Variants in CSMD1 observed in about 807,000 individuals in gnomAD.
The protein encoded by CSMD1 is CUB and Sushi multiple domains 1.
CSMD1 carries 213 observed loss-of-function variants against 417.5 expected under a neutral mutation model. The observed-to-expected ratio is 0.51, with a 90% confidence interval of 0.46 to 0.57. The LOEUF (loss-of-function observed/expected upper bound fraction) is 0.57. CSMD1 is among the 20% of genes least tolerant of loss of function. The pLI is 0.00. For synonymous variants in CSMD1, 2,862 were observed against 1,736.8 expected, an observed-to-expected ratio of 1.65 and a Z score of -16.11; for missense variants, 6,923 against 4,529.7, an observed-to-expected ratio of 1.53 and a Z score of -15.17.
intron 4 of CSMD1, among the ~76,000 whole-genome samples, chr8:4,016,672 C>G (rs189460952): frequency 1.3e-5 from 2 of 152,304 alleles, no homozygotes; most frequent in East Asian, 3.9e-4. Flanking sequence ...CTCTGTAAAG[C>G]AAGAGCTTCA....
At chr8:3,862,499 C>T (rs1325020994) in intron 5 of CSMD1, among the ~76,000 whole-genome samples, 1 of 152,162 alleles carries the variant, frequency 6.6e-6, no homozygotes, top group African/African-American at 2.4e-5. Flanking sequence ...GTTCGCCTTT[C>T]CCAGACCTTA....
chr8:3,095,678 A>G lies in CSMD1; in HGVS notation c.7138+1171T>C, dbSNP rs190470456. On this transcript the variant is annotated intron_variant, in intron 47 of 69. Coordinates refer to ENST00000635120, the MANE Select transcript of CSMD1 (RefSeq NM_033225.6). ...TATTTTTTTCACTGAATTGATTGTA[A>G]TTTATCTGAACTCAATGACAAATCT... 1.6e-4 allele frequency among the ~76,000 whole-genome samples: 25 copies of G among 152,316 alleles called. No individual in the cohort carries two copies. In the East Asian group the frequency reaches 3.9e-3, roughly 23 times the overall value.
intron 3 of CSMD1, among the ~76,000 whole-genome samples, chr8:4,180,279 G>C (rs910016735): frequency 1.8e-4 from 27 of 151,982 alleles, no homozygotes; most frequent in Non-Finnish European, 3.2e-4. Context: ...CCTTTGTAGG[G>C]ATATGGATGA....
intron 3 of CSMD1, among the ~76,000 whole-genome samples, chr8:4,058,758 T>A (rs565439178): frequency 7.0e-6 from 1 of 143,456 alleles, no homozygotes; most frequent in Non-Finnish European, 1.5e-5. Flanking sequence ...TAAATATATA[T>A]GCACCCAATA....
chr8:3,671,560 CATATATATATATATATATATATATAT>C (rs752837903), intron 7 of CSMD1, among the ~76,000 whole-genome samples: 4 of 6,512 alleles, frequency 6.1e-4, no homozygotes, highest in Non-Finnish European at 1.0e-3. Context: ...TATATATGAT[CATATATATATATATATATATATATAT>C]ATATATATGA....
intron 10 of CSMD1, among the ~76,000 whole-genome samples, chr8:3,571,745 G>A (rs994164562): frequency 3.5e-5 from 3 of 85,852 alleles, no homozygotes; most frequent in African/African-American, 1.4e-4. Flanking sequence ...CTCCAGTCTT[G>A]CTAAGTCTCC....
At chr8:3,094,616 T>G (rs1160943932) in intron 47 of CSMD1, among the ~76,000 whole-genome samples, 1 of 152,180 alleles carries the variant, frequency 6.6e-6, no homozygotes, top group Non-Finnish European at 1.5e-5. Context: ...CACTGTAATT[T>G]TAATTTTGAC....
chr8:4,342,972 G>C (rs973308483), intron 3 of CSMD1, among the ~76,000 whole-genome samples: 1 of 152,100 alleles, frequency 6.6e-6, no homozygotes, highest in Non-Finnish European at 1.5e-5. Flanking sequence ...TAGATGTCAG[G>C]TAGAGAATTC....
chr8:4,366,367 T>C (rs1371298338), intron 3 of CSMD1, among the ~76,000 whole-genome samples: 1 of 152,186 alleles, frequency 6.6e-6, no homozygotes, highest in Non-Finnish European at 1.5e-5. Flanking sequence ...TGTTTACCAT[T>C]GAGAATAGCA....
At chr8:3,170,742 T>C (rs554842805) in intron 37 of CSMD1, among the ~76,000 whole-genome samples, 15 of 152,244 alleles carry the variant, frequency 9.9e-5, no homozygotes, top group Non-Finnish European at 2.1e-4. Context: ...GTTCACACTT[T>C]AAAATAGTGA....
intron 2 of CSMD1, among the ~76,000 whole-genome samples, chr8:4,424,728 C>T (rs1407487486): frequency 6.6e-6 from 1 of 152,132 alleles, no homozygotes; most frequent in Non-Finnish European, 1.5e-5. Context: ...TGCATTTGCC[C>T]TAGAAATGCT....
intron 41 of CSMD1, among the ~76,000 whole-genome samples, chr8:3,129,846 G>A (rs193081930): frequency 6.6e-5 from 10 of 151,662 alleles, no homozygotes; most frequent in African/African-American, 2.2e-4. Context: ...AAATTTAGCC[G>A]GGCATGTTGA....
intron 5 of CSMD1, among the ~76,000 whole-genome samples, chr8:3,909,451 C>A (rs1347130334): frequency 2.6e-5 from 4 of 152,094 alleles, no homozygotes; most frequent in Admixed American, 2.6e-4. Flanking sequence ...GCAGAACACA[C>A]GGCGTGCTCC....
intron 26 of CSMD1, among the ~76,000 whole-genome samples, chr8:3,246,512 C>G (rs1259820563): frequency 1.3e-5 from 2 of 152,084 alleles, no homozygotes; most frequent in African/African-American, 4.8e-5. Context: ...CACTCTGTCA[C>G]CCAGGCTGGT....
chr8:3,686,811 G>C (rs931004026), intron 7 of CSMD1, among the ~76,000 whole-genome samples: 1 of 152,182 alleles, frequency 6.6e-6, no homozygotes, highest in African/African-American at 2.4e-5. Flanking sequence ...ATTTCCTTAT[G>C]AGGGCTCCCA....
At chr8:4,089,062 C>T (rs761558867) in intron 3 of CSMD1, among the ~76,000 whole-genome samples, 10 of 152,192 alleles carry the variant, frequency 6.6e-5, no homozygotes, top group Non-Finnish European at 1.2e-4. Flanking sequence ...GGTCTTGCCG[C>T]CAGAGCTTCT....
chr8:4,119,207 T>A (rs192902067), intron 3 of CSMD1, among the ~76,000 whole-genome samples: 3 of 152,042 alleles, frequency 2.0e-5, no homozygotes, highest in African/African-American at 7.2e-5. Context: ...CATATACCTA[T>A]GTAACAAGCC....
intron 25 of CSMD1, among the ~76,000 whole-genome samples, chr8:3,290,397 A>G (rs1356794576): frequency 6.8e-6 from 1 of 146,638 alleles, no homozygotes; most frequent in Non-Finnish European, 1.5e-5. Context: ...GATGGCATTG[A>G]ATCTATAAGT....
chr8:4,070,176 G>C (rs1270548809), intron 3 of CSMD1, among the ~76,000 whole-genome samples: 3 of 151,750 alleles, frequency 2.0e-5, no homozygotes, highest in Admixed American at 6.6e-5. Context: ...CAATTTTAGA[G>C]GTGCATTTAC....
Sources: gnomAD v4.1 joint callset for allele counts (sites outside exome capture counted in the v4.1 genomes callset) on GRCh38, gnomAD v4.1.1 for gene constraint, MANE v1.5 for transcripts, NCBI Gene and HGNC (gene_info 2026-07-23, HGNC 2026-07-21) for gene names.